The following ANKRD26 variants were observed in gnomAD, a reference collection of about 807,000 sequenced individuals.
The protein encoded by ANKRD26 is ankyrin repeat domain 26.
Under a neutral mutation model 208.7 loss-of-function variants are expected in ANKRD26, and 141 were observed. The observed-to-expected ratio is 0.68, with a 90% confidence interval of 0.59 to 0.78. ANKRD26 has a LOEUF of 0.78. Among genes scored for constraint, ANKRD26 ranks in the 30% least tolerant of loss-of-function variants. ANKRD26 has a pLI of 0.00. For synonymous variants in ANKRD26, 636 were observed against 660.4 expected, an observed-to-expected ratio of 0.96 and a Z score of 0.57; for missense variants, 1,889 against 1,938.7, an observed-to-expected ratio of 0.97 and a Z score of 0.48.
intron 11 of ANKRD26, among the ~76,000 whole-genome samples, chr10:27,064,607 T>C (rs535843441): frequency 6.6e-6 from 1 of 152,282 alleles, no homozygotes; most frequent in East Asian, 1.9e-4. Flanking sequence ...AACTCTGGAG[T>C]ATGCCCTGTT....
At chr10:26,996,570 T>TG (rs2052598075) in intron 4 of ANKRD26, among the ~76,000 whole-genome samples, 1 of 151,868 alleles carries the variant, frequency 6.6e-6, no homozygotes, top group Non-Finnish European at 1.5e-5. Flanking sequence ...AGAAAAAGAG[T>TG]CTTCATTCTC....
At position 27,047,902 on chromosome 10, in the gene ANKRD26, C is replaced by T. The variant is rs371372122; in HGVS notation, c.1814+899G>A. Among the ~76,000 whole-genome samples, 11 of 151,996 alleles carry T rather than the reference C, an allele frequency of 7.2e-5. No individual in the cohort carries two copies. The East Asian group carries it at 7.8e-4, about 11-fold the overall frequency. ...GGGTTTACAGGCGCCTGCCACCATG[C>T]CTGCCTAATTTTGTATTTTTAGTAC... On this transcript the variant is annotated intron_variant, in intron 17 of 33. Transcript: ENST00000376087.
the ANKRD26 span, among the ~76,000 whole-genome samples, chr10:26,956,541 A>G: frequency 2.0e-5 from 3 of 152,092 alleles, no homozygotes; most frequent in Non-Finnish European, 4.4e-5. Context: ...CCAAAGTAGG[A>G]GGATCACTTG....
the ANKRD26 span, among the ~76,000 whole-genome samples, chr10:26,959,519 C>G: frequency 6.6e-6 from 1 of 151,964 alleles, no homozygotes; most frequent in East Asian, 1.9e-4. Context: ...ATAAGTAGAA[C>G]ATCAGCTGGT....
In ANKRD26 at chr10:27,077,690, C is replaced by T. The variant is rs779869811; in HGVS notation, c.817G>A (p.Val273Ile). ...AGCTTTGCTAAGCTTGGTTTTGGGA[C>T]ATTCTAGAAAACAAAAATAAGAATA... ...DEDLNFDTKN[V>I]PKPSLAKLMT... The change falls in exon 8 of 34, where the codon GTC (valine) becomes ATC (isoleucine). Residue 273 changes from valine to isoleucine, a missense_variant. By Grantham distance (29) the Val-to-Ile change is conservative. Around this residue, in one of 3 missense-constraint regions of ANKRD26, gnomAD observed 1,272 missense variants for 1,273.8 expected, o/e 1.00. Transcript: ENST00000376087. 6.2e-7 allele frequency: 1 copy of T among 1,611,606 alleles called. No homozygotes were observed. The highest frequency in any genetic ancestry group is 8.5e-7 in the Non-Finnish European group (1 of 1,179,362).
At chr10:26,987,585 C>T (rs982094152), downstream of ANKRD26, among the ~76,000 whole-genome samples, 2 of 152,164 alleles carry the variant, frequency 1.3e-5, no homozygotes, top group African/African-American at 2.4e-5. Flanking sequence ...AGTGGCATCT[C>T]CTGTAGGCCT....
the ANKRD26 span, among the ~76,000 whole-genome samples, chr10:26,949,792 C>A: frequency 6.6e-6 from 1 of 152,270 alleles, no homozygotes; most frequent in East Asian, 1.9e-4. Context: ...TGTGACCCAC[C>A]GTGCCCAGCC....
chr10:26,984,994 C>T (rs79805873), intron 3 of ANKRD26, among the ~76,000 whole-genome samples: 3,740 of 152,214 alleles, frequency 0.025, 129 homozygotes, highest in African/African-American at 0.085. Context: ...CTGTGAAGTT[C>T]AGAGGGGACT....
At chr10:26,986,574 A>C in intron 3 of ANKRD26, among the ~76,000 whole-genome samples, 1 of 152,214 alleles carries the variant, frequency 6.6e-6, no homozygotes, top group East Asian at 1.9e-4. Flanking sequence ...AACTCAAACA[A>C]ATTTACAAGA....
intron 3 of ANKRD26, among the ~76,000 whole-genome samples, chr10:27,093,088 C>CAA (rs879854814): frequency 8.0e-6 from 1 of 124,300 alleles, no homozygotes; most frequent in Non-Finnish European, 1.7e-5. Context: ...GACTCTGTCT[C>CAA]AAAAAAAAAA....
chr10:27,038,665 A>C (rs2054125435), intron 21 of ANKRD26, among the ~76,000 whole-genome samples: 1 of 151,410 alleles, frequency 6.6e-6, no homozygotes, highest in South Asian at 2.1e-4. Flanking sequence ...AAAAAAAAAA[A>C]TCTTTTTTTA....
rs145266214 is a variant in ANKRD26, at chr10:27,060,836, C to A, written c.1463-296G>T. ...CATATACCAATGTGAGCATGCTGGTCGATGTGGAGAAAAGTAATCTTTAAT... is the reference window on the plus strand; with the variant it reads ...CATATACCAATGTGAGCATGCTGGTAGATGTGGAGAAAAGTAATCTTTAAT... On this transcript the variant is annotated intron_variant, in intron 13 of 33. Coordinates refer to ENST00000376087, the MANE Select transcript of ANKRD26 (RefSeq NM_014915.3). Among the ~76,000 whole-genome samples, 248 of 152,246 alleles carry A rather than the reference C, an allele frequency of 1.6e-3. 1 individual carries two copies. Among genetic ancestry groups the A allele is most frequent in the African/African-American group, 5.8e-3 (240 of 41,544 alleles).
At chr10:27,034,246 T>A (rs778736746) in intron 24 of ANKRD26, among the ~76,000 whole-genome samples, 4 of 152,206 alleles carry the variant, frequency 2.6e-5, no homozygotes, top group Non-Finnish European at 5.9e-5. Flanking sequence ...GATTGAAATA[T>A]TTTTAGACAA....
At chr10:26,980,658 G>C (rs2052293699) in exon 5 of ANKRD26, among the ~76,000 whole-genome samples, 2 of 152,198 alleles carry the variant, frequency 1.3e-5, no homozygotes, top group African/African-American at 2.4e-5. Context: ...CCAGATGAAA[G>C]GCTGCCAGGG....
the ANKRD26 span, among the ~76,000 whole-genome samples, chr10:26,949,361 T>C: frequency 6.6e-6 from 1 of 152,288 alleles, no homozygotes. Flanking sequence ...TATTAATGAC[T>C]TAAAATACAA....
At chr10:27,038,945 T>C (rs1259752665) in intron 21 of ANKRD26, among the ~76,000 whole-genome samples, 1 of 152,166 alleles carries the variant, frequency 6.6e-6, no homozygotes, top group Non-Finnish European at 1.5e-5. Flanking sequence ...GGTAACACTT[T>C]CGACATACCT....
At chr10:26,959,774 C>CTGACTTTGAATGCACTGTTGAGG in the ANKRD26 span, among the ~76,000 whole-genome samples, 1 of 152,026 alleles carries the variant, frequency 6.6e-6, no homozygotes, top group Non-Finnish European at 1.5e-5. Context: ...GCCACTGGGC[C>CTGACTTTGAATGCACTGTTGAGG]TGACTTTGAA....
At chr10:27,087,860 C>T (rs1190102928) in intron 4 of ANKRD26, among the ~76,000 whole-genome samples, 3 of 152,088 alleles carry the variant, frequency 2.0e-5, no homozygotes, top group East Asian at 1.9e-4. Context: ...AATCCACTGC[C>T]GCCTGGAACT....
intron 17 of ANKRD26, among the ~76,000 whole-genome samples, chr10:27,046,920 T>G (rs1382506702): frequency 6.6e-6 from 1 of 152,024 alleles, no homozygotes; most frequent in Non-Finnish European, 1.5e-5. Flanking sequence ...AAAACCATTC[T>G]ACTTAGAGAA....
Sources: gnomAD v4.1 joint callset for allele counts (sites outside exome capture counted in the v4.1 genomes callset) on GRCh38, gnomAD v4.1.1 for gene constraint, gnomAD v4.1.1 regional missense constraint, MANE v1.5 for transcripts, NCBI Gene and HGNC (gene_info 2026-07-23, HGNC 2026-07-21) for gene names.